The following ERBB4 variants were observed in gnomAD, a reference collection of about 807,000 sequenced individuals.
ERBB4 encodes the protein erb-b2 receptor tyrosine kinase 4, also known as receptor tyrosine-protein kinase erbB-4.
A neutral mutation model predicts 158.0 loss-of-function variants in ERBB4; 42 were observed. That is an observed-to-expected ratio of 0.27 (90% CI 0.21 to 0.34). The LOEUF is 0.34. Ranked by LOEUF, ERBB4 falls within the 10% of genes least tolerant of loss-of-function variation. ERBB4 has a pLI of 1.00. For synonymous variants in ERBB4, 583 were observed against 558.7 expected (o/e 1.04, Z -0.61); for missense variants, 1,333 against 1,624.1 (o/e 0.82, Z 3.08).
intron 1 of ERBB4, among the ~76,000 whole-genome samples, chr2:212,133,169 A>T (rs949660751): frequency 3.9e-5 from 6 of 152,070 alleles, no homozygotes; most frequent in African/African-American, 1.4e-4. Flanking sequence ...CAGAGGCCAG[A>T]ATGTTTTTTT....
chr2:211,958,724 C>T (rs555301841), intron 2 of ERBB4, among the ~76,000 whole-genome samples: 71 of 152,170 alleles, frequency 4.7e-4, no homozygotes, highest in African/African-American at 1.6e-3. Flanking sequence ...GTACTATCCA[C>T]GGCAAAATGG....
intron 1 of ERBB4, among the ~76,000 whole-genome samples, chr2:212,374,955 C>A (rs1025648124): frequency 5.9e-5 from 9 of 151,734 alleles, no homozygotes; most frequent in Non-Finnish European, 1.3e-4. Context: ...ATTCTCTTTC[C>A]AGATTAATAA....
intron 1 of ERBB4, among the ~76,000 whole-genome samples, chr2:212,449,282 C>T (rs2092410980): frequency 6.6e-6 from 1 of 152,096 alleles, no homozygotes; most frequent in South Asian, 2.1e-4. Context: ...AACTAAAATA[C>T]ATCAGCAGAA....
At chr2:211,804,845 T>A (rs111645973) in intron 3 of ERBB4, among the ~76,000 whole-genome samples, 1 of 152,140 alleles carries the variant, frequency 6.6e-6, no homozygotes, top group African/African-American at 2.4e-5. Flanking sequence ...AGTGAATCCT[T>A]CTAAATGAGC....
At chr2:211,796,169 T>C (rs1159872782) in intron 3 of ERBB4, among the ~76,000 whole-genome samples, 1 of 151,910 alleles carries the variant, frequency 6.6e-6, no homozygotes, top group Non-Finnish European at 1.5e-5. Context: ...CCACCTCATG[T>C]CACTCTATCA....
chr2:211,802,183 C>T (rs1334671450), intron 3 of ERBB4, among the ~76,000 whole-genome samples: 2 of 151,908 alleles, frequency 1.3e-5, no homozygotes, highest in African/African-American at 4.8e-5. Context: ...GGCAGAAACT[C>T]GGGAGGCGGA....
chr2:212,000,164 A>G (rs2125277130), intron 2 of ERBB4, among the ~76,000 whole-genome samples: 1 of 151,982 alleles, frequency 6.6e-6, no homozygotes, highest in Middle Eastern at 3.4e-3. Context: ...GCAGGAATGT[A>G]TCAAATATAT....
intron 23 of ERBB4, 80 bp from the exon 24 acceptor site, chr2:211,422,184 C>T: frequency 1.2e-6 from 1 of 800,568 alleles, no homozygotes; most frequent in Non-Finnish European, 2.1e-6. Context: ...AAAATATGAG[C>T]AAAAGTTTGA....
chr2:211,514,020 T>G (rs757331142), intron 20 of ERBB4, among the ~76,000 whole-genome samples: 4 of 152,104 alleles, frequency 2.6e-5, no homozygotes, highest in Admixed American at 6.5e-5. Context: ...AAATATACAA[T>G]AAATTATTGT....
At chr2:211,833,402 G>A (rs568164973) in intron 3 of ERBB4, among the ~76,000 whole-genome samples, 97 of 152,140 alleles carry the variant, frequency 6.4e-4, no homozygotes, top group African/African-American at 2.1e-3. Flanking sequence ...TCATCCAGTA[G>A]AGGAAACCCT....
intron 1 of ERBB4, among the ~76,000 whole-genome samples, chr2:212,374,412 A>C (rs1471998394): frequency 6.6e-6 from 1 of 151,762 alleles, no homozygotes; most frequent in East Asian, 1.9e-4. Flanking sequence ...AAACCTCCAA[A>C]AATCTAAAAA....
At chr2:211,557,554 C>T (rs1211265236) in intron 20 of ERBB4, among the ~76,000 whole-genome samples, 2 of 151,954 alleles carry the variant, frequency 1.3e-5, no homozygotes, top group African/African-American at 4.8e-5. Flanking sequence ...CAAATCAAAA[C>T]CACAAAAAGA....
At chr2:211,924,872 G>A (rs1032156818) in intron 3 of ERBB4, among the ~76,000 whole-genome samples, 7 of 152,254 alleles carry the variant, frequency 4.6e-5, no homozygotes, top group Non-Finnish European at 8.8e-5. Flanking sequence ...ACGTTTATCC[G>A]CATCCATCCA....
chr2:212,472,035 TATC>T (rs1689140476), intron 1 of ERBB4, among the ~76,000 whole-genome samples: 1 of 151,894 alleles, frequency 6.6e-6, no homozygotes, highest in Non-Finnish European at 1.5e-5. Flanking sequence ...GTAAATCAAC[TATC>T]ATTTTATAAC....
chr2:212,132,296 C>T (rs929892856), intron 1 of ERBB4, among the ~76,000 whole-genome samples: 2 of 152,126 alleles, frequency 1.3e-5, no homozygotes, highest in Non-Finnish European at 2.9e-5. Flanking sequence ...CATATGGGTG[C>T]TATGCTGACA....
intron 3 of ERBB4, among the ~76,000 whole-genome samples, chr2:211,911,087 T>G (rs76705436): frequency 0.011 from 1,628 of 152,274 alleles, 15 homozygotes; most frequent in Non-Finnish European, 0.015. Flanking sequence ...CACTAGTAAA[T>G]GAACTCCTTT....
chr2:212,142,515 T>C (rs1488381131), intron 1 of ERBB4, among the ~76,000 whole-genome samples: 1 of 150,766 alleles, frequency 6.6e-6, no homozygotes, highest in Admixed American at 6.7e-5. Context: ...ATTATGCATA[T>C]AGATGAGAAA....
chr2:212,294,935 C>G (rs2086355023), intron 1 of ERBB4, among the ~76,000 whole-genome samples: 1 of 152,064 alleles, frequency 6.6e-6, no homozygotes, highest in Non-Finnish European at 1.5e-5. Flanking sequence ...AGGGCAAAGC[C>G]AGGCATGAAG....
intron 1 of ERBB4, among the ~76,000 whole-genome samples, chr2:212,405,880 C>A (rs2091331506): frequency 6.6e-6 from 1 of 152,000 alleles, no homozygotes; most frequent in Non-Finnish European, 1.5e-5. Context: ...TGATGTAAAT[C>A]AACAGCACAA....
Sources: gnomAD v4.1 joint callset for allele counts (sites outside exome capture counted in the v4.1 genomes callset) on GRCh38, gnomAD v4.1.1 for gene constraint, MANE v1.5 for transcripts, NCBI Gene and HGNC (gene_info 2026-07-23, HGNC 2026-07-21) for gene names.